TMPRSS7: variants seen among roughly 807,000 people sequenced by gnomAD.
The protein encoded by TMPRSS7 is transmembrane protease serine 7.
A neutral mutation model predicts 95.6 loss-of-function variants in TMPRSS7; 81 were observed. The ratio of observed to expected loss-of-function variants is 0.85; its 90% CI spans 0.71 to 1.02. The LOEUF (loss-of-function observed/expected upper bound fraction) is 1.02. Among genes scored for constraint, TMPRSS7 ranks in the 50% least tolerant of loss-of-function variants. The pLI, the probability that TMPRSS7 is intolerant of heterozygous loss-of-function variation, is 0.00. For missense variants in TMPRSS7, 945 were observed against 955.2 expected (o/e 0.99, Z 0.14); for synonymous variants, 364 against 337.8 (o/e 1.08, Z -0.85).
intron 4 of TMPRSS7, among the ~76,000 whole-genome samples, chr3:112,044,753 C>T (rs1283078737): frequency 6.6e-6 from 1 of 152,036 alleles, no homozygotes; most frequent in Non-Finnish European, 1.5e-5. Flanking sequence ...TATCCCACCC[C>T]CACCCACTCC....
intron 14 of TMPRSS7, 21 bp downstream of exon 14, chr3:112,074,433 T>C (rs1347735229): frequency 1.3e-6 from 2 of 1,555,224 alleles, no homozygotes; most frequent in South Asian, 1.1e-5. Context: ...ATTCATTCCT[T>C]TGGGTTCCTG....
At chr3:112,041,807 T>G (rs1025227370) in intron 2 of TMPRSS7, 113 bp from the exon 3 acceptor site, 1 of 686,394 alleles carries the variant, frequency 1.5e-6, no homozygotes, top group African/African-American at 1.8e-5. Context: ...AGTTAGTATG[T>G]AGCTGCCTAA....
chr3:112,034,791 G>A (rs530465855), upstream of TMPRSS7: 2 of 701,752 alleles, frequency 2.9e-6, no homozygotes, highest in Admixed American at 2.0e-5. Context: ...AGCATATAAG[G>A]GGCAAAAACT....
At chr3:112,072,571 A>G (rs564349156) in intron 13 of TMPRSS7, among the ~76,000 whole-genome samples, 22 of 152,356 alleles carry the variant, frequency 1.4e-4, no homozygotes, top group African/African-American at 4.8e-4. Flanking sequence ...TGCCCTGCCC[A>G]CAGAGGTGGA....
chr3:112,051,668 C>CTATCA (rs61097993), intron 9 of TMPRSS7, among the ~76,000 whole-genome samples: 1 of 127,998 alleles, frequency 7.8e-6, no homozygotes, highest in Non-Finnish European at 1.6e-5. Context: ...ATCTATCTAT[C>CTATCA]ATCTATCTAT....
chr3:112,068,347 C>T (rs2073601241), intron 13 of TMPRSS7, among the ~76,000 whole-genome samples: 1 of 152,138 alleles, frequency 6.6e-6, no homozygotes, highest in African/African-American at 2.4e-5. Context: ...GTAGTGTTTT[C>T]CAGTTCTGCG....
At chr3:112,040,473 G>A (rs1431717540) in intron 2 of TMPRSS7, among the ~76,000 whole-genome samples, 2 of 152,184 alleles carry the variant, frequency 1.3e-5, no homozygotes, top group Non-Finnish European at 1.5e-5. Context: ...TTCATTATGT[G>A]TTGGGTCCTG....
chr3:112,078,838 T>C, exon 17 of TMPRSS7: 1 of 1,614,156 alleles, frequency 6.2e-7, no homozygotes, highest in Non-Finnish European at 8.5e-7. Context: ...TCTCGGATGC[T>C]CTGTGCAGGC....
At chr3:112,056,193 A>G (rs144089798) in intron 9 of TMPRSS7, among the ~76,000 whole-genome samples, 6 of 152,216 alleles carry the variant, frequency 3.9e-5, no homozygotes, top group African/African-American at 1.4e-4. Context: ...TTCATATTAT[A>G]GATATGCAGA....
chr3:112,058,514 C>T (rs891577831), intron 10 of TMPRSS7, among the ~76,000 whole-genome samples: 1 of 151,948 alleles, frequency 6.6e-6, no homozygotes, highest in Non-Finnish European at 1.5e-5. Context: ...ATCATGTATA[C>T]CACAAAGCAA....
intron 2 of TMPRSS7, 58 bp from the exon 3 acceptor site, chr3:112,041,862 T>C: frequency 8.5e-7 from 1 of 1,169,688 alleles, no homozygotes; most frequent in African/African-American, 1.5e-5. Context: ...GCTCAGACAA[T>C]TCCTTACTGC....
At chr3:112,080,991 A>T (rs1438548572) in exon 18 of TMPRSS7, 1 of 1,614,022 alleles carries the variant, frequency 6.2e-7, no homozygotes, top group Admixed American at 1.7e-5. Context: ...TTAGCTGGGG[A>T]CATGGAAGTG....
At chr3:112,063,581 C>G (rs775082233) in exon 12 of TMPRSS7, 1 of 1,614,006 alleles carries the variant, frequency 6.2e-7, no homozygotes, top group Admixed American at 1.7e-5. Flanking sequence ...TCAGGCCCAG[C>G]GTTGTGATGG....
chr3:112,065,186 G>A (rs150831419), intron 12 of TMPRSS7, among the ~76,000 whole-genome samples: 5 of 152,114 alleles, frequency 3.3e-5, no homozygotes, highest in African/African-American at 4.8e-5. Context: ...GAATACAGGC[G>A]CACACCACCA....
Position 112,055,419 on chromosome 3 carries a change from C to T in TMPRSS7, c.1204-1606C>T, listed in dbSNP as rs541662204. On this transcript the variant is annotated intron_variant, in intron 9 of 17. Coordinates refer to ENST00000452346, the Ensembl canonical transcript of TMPRSS7. ...GTGGTGAGGGGTGGTTTACTCTATTCAAATGCACATTGGAAACAAGCAAAC... is the reference window on the plus strand; with the variant it reads ...GTGGTGAGGGGTGGTTTACTCTATTTAAATGCACATTGGAAACAAGCAAAC... Among the ~76,000 whole-genome samples, 38 of 149,404 alleles carry T rather than the reference C, an allele frequency of 2.5e-4. 1 individual carries two copies. The highest frequency in any genetic ancestry group is 9.1e-4 in the African/African-American group (37 of 40,828).
At chr3:112,080,056 C>T (rs902898693) in intron 17 of TMPRSS7, among the ~76,000 whole-genome samples, 12 of 152,100 alleles carry the variant, frequency 7.9e-5, no homozygotes, top group African/African-American at 2.9e-4. Flanking sequence ...AAATAAAGAG[C>T]CCAGCTTCCC....
At position 112,044,207 on chromosome 3, in the gene TMPRSS7, G is replaced by C. The variant is rs1343010392; in HGVS notation, c.430-48G>C. ...CTACAACATTTAAGATACTGTAAAA[G>C]GAAGTCAAGTATGAAATACTTCAGA... On this transcript the variant is annotated intron_variant, in intron 3 of 17. Transcript: ENST00000452346. 5.2e-6 allele frequency: 7 copies of C among 1,345,410 alleles called. No individual in the cohort carries two copies. The East Asian group carries it at 1.5e-4, about 29-fold the overall frequency. 83.3% of individuals were successfully genotyped at this position (1,345,410 alleles called of 1,614,324 possible).
chr3:112,041,077 C>CAAAAA (rs35859400), intron 2 of TMPRSS7, among the ~76,000 whole-genome samples: 1 of 123,004 alleles, frequency 8.1e-6, no homozygotes. Flanking sequence ...AGTCTGCAAC[C>CAAAAA]AAAAAAAAAA....
chr3:112,071,217 C>T (rs1373423719), intron 13 of TMPRSS7, among the ~76,000 whole-genome samples: 3 of 152,172 alleles, frequency 2.0e-5, no homozygotes, highest in Non-Finnish European at 4.4e-5. Context: ...CTTAGTTTGG[C>T]TGGATATGAA....
Sources: allele counts gnomAD v4.1 joint callset (sites outside exome capture counted in the v4.1 genomes callset), GRCh38; gene constraint gnomAD v4.1.1; transcripts MANE v1.5; gene names NCBI Gene and HGNC (gene_info 2026-07-23, HGNC 2026-07-21).